Variants in ITGB8 observed in about 807,000 individuals in gnomAD.
ITGB8 encodes the protein integrin subunit beta 8.
ITGB8 carries 30 observed loss-of-function variants against 89.5 expected under a neutral mutation model. That is an observed-to-expected ratio of 0.34 (90% CI 0.25 to 0.45). ITGB8 has a LOEUF of 0.45. Ranked by LOEUF, ITGB8 falls within the 20% of genes least tolerant of loss-of-function variation. The probability of loss-of-function intolerance (pLI) is 1.00; values close to 1 mark genes in which losing one functional copy is unlikely to be tolerated. For missense variants in ITGB8, 836 were observed against 933.3 expected (o/e 0.90, Z 1.36); for synonymous variants, 335 against 320.4 (o/e 1.05, Z -0.49).
At chr7:20,353,150 G>C (rs1368292702) in intron 1 of ITGB8, 1 of 152,346 alleles carries the variant, frequency 6.6e-6, no homozygotes, top group East Asian at 1.9e-4. Flanking sequence ...GGGCAGGGCA[G>C]ACTAATGGAA....
chr7:20,389,886 G>A (rs1282662950), intron 6 of ITGB8, among the ~76,000 whole-genome samples: 1 of 150,876 alleles, frequency 6.6e-6, no homozygotes, highest in Non-Finnish European at 1.5e-5. Flanking sequence ...GAATTGCTCT[G>A]AGAAAAACTT....
At chr7:20,369,247 AAC>A in intron 3 of ITGB8, among the ~76,000 whole-genome samples, 1 of 152,312 alleles carries the variant, frequency 6.6e-6, no homozygotes, top group African/African-American at 2.4e-5. Flanking sequence ...AAAAATAATA[AAC>A]AGTCTCTTAG....
chr7:20,332,247 C>A (rs17455437), intron 1 of ITGB8, among the ~76,000 whole-genome samples: 7,122 of 152,252 alleles, frequency 0.047, 221 homozygotes, highest in Non-Finnish European at 0.069. Context: ...TTTAGGGGCC[C>A]TGGTCCATTC....
chr7:20,347,105 G>C (rs1784951757), intron 1 of ITGB8, among the ~76,000 whole-genome samples: 1 of 152,142 alleles, frequency 6.6e-6, no homozygotes, highest in African/African-American at 2.4e-5. Flanking sequence ...TATGAGGAAG[G>C]CTCCCTCGCC....
At chr7:20,364,335 T>C (rs959832215) in intron 2 of ITGB8, among the ~76,000 whole-genome samples, 2 of 152,172 alleles carry the variant, frequency 1.3e-5, no homozygotes, top group Non-Finnish European at 1.5e-5. Context: ...CTCCTGGGAA[T>C]TGGAACAAAC....
Position 20,331,303 on chromosome 7 carries a change from T to C in ITGB8, c.-504T>C, listed in dbSNP as rs375029952. 1.9e-5 allele frequency: 7 copies of C among 368,626 alleles called. No homozygotes were observed. The highest frequency in any genetic ancestry group is 7.9e-5 in the East Asian group (2 of 25,360). 22.8% of individuals were successfully genotyped at this position (368,626 alleles called of 1,614,324 possible). A position where few individuals can be genotyped will look rare whatever the true frequency, so the allele number is the denominator to read the frequency against. On this transcript the variant is annotated 5_prime_UTR_variant, in exon 1 of 14. Transcript: ENST00000222573. Reference sequence around the variant, plus strand: ...CTGATTGATGCGCCACAGACTTTTTTCCCCTCGACCTCGCCGGCGTCCCCT... The same window carrying C: ...CTGATTGATGCGCCACAGACTTTTTCCCCCTCGACCTCGCCGGCGTCCCCT...
At chr7:20,370,866 G>A (rs949877177) in intron 3 of ITGB8, among the ~76,000 whole-genome samples, 5 of 152,000 alleles carry the variant, frequency 3.3e-5, no homozygotes, top group African/African-American at 7.2e-5. Flanking sequence ...CACCAGCCTC[G>A]GCTTCCCAAA....
chr7:20,408,869 A>G (rs548818851), intron 12 of ITGB8, among the ~76,000 whole-genome samples: 1 of 152,142 alleles, frequency 6.6e-6, no homozygotes, highest in African/African-American at 2.4e-5. Context: ...CCAGCTAGTA[A>G]TTATTTGTCC....
intron 1 of ITGB8, among the ~76,000 whole-genome samples, chr7:20,345,114 T>A (rs1784879681): frequency 6.6e-6 from 1 of 152,108 alleles, no homozygotes; most frequent in African/African-American, 2.4e-5. Flanking sequence ...ATTAGGAAGG[T>A]CTCACTGAGA....
intron 7 of ITGB8, among the ~76,000 whole-genome samples, chr7:20,394,628 T>C (rs1032327124): frequency 6.6e-6 from 1 of 152,236 alleles, no homozygotes; most frequent in Non-Finnish European, 1.5e-5. Flanking sequence ...GATGCTCATC[T>C]GCATTTCGAT....
intron 4 of ITGB8, 181 bp from the exon 5 acceptor site, chr7:20,380,485 G>C (rs1205130657): frequency 2.3e-5 from 13 of 553,432 alleles, no homozygotes; most frequent in Non-Finnish European, 4.1e-5. Context: ...TATTTGCAAA[G>C]AAATTGTCAT....
chr7:20,404,874 A>G (rs1446526605), intron 11 of ITGB8, 21 bp downstream of exon 11: 1 of 1,597,816 alleles, frequency 6.3e-7, no homozygotes, highest in Non-Finnish European at 8.6e-7. Context: ...TTTGACTCCA[A>G]ACATACACAA....
chr7:20,359,353 T>A (rs1490929554), intron 1 of ITGB8, among the ~76,000 whole-genome samples: 1 of 152,128 alleles, frequency 6.6e-6, no homozygotes, highest in Non-Finnish European at 1.5e-5. Flanking sequence ...ATATAAAGAA[T>A]AAGGTGCATA....
Position 20,379,150 on chromosome 7 carries a change from T to C in ITGB8, c.488T>C (p.Ile163Thr). Residue 163 changes from isoleucine to threonine, a missense_variant, in exon 4 of 14, where the codon ATA becomes ACA. Coordinates refer to ENST00000222573, the MANE Select transcript of ITGB8 (RefSeq NM_002214.3). ...GTCTCAGCATCAATGCACAATAATATAGAAAAATTAAATTCCGTTGGAAAC... is the reference window on the plus strand; with the variant it reads ...GTCTCAGCATCAATGCACAATAATACAGAAAAATTAAATTCCGTTGGAAAC... ...VDVSASMHNNIEKLNSVGNDL... is the reference protein window; with the variant it reads ...VDVSASMHNNTEKLNSVGNDL... 2 of 1,610,126 alleles carry C rather than the reference T, an allele frequency of 1.2e-6. No individual in the cohort carries two copies. Among genetic ancestry groups the C allele is most frequent in the Non-Finnish European group, 1.7e-6 (2 of 1,177,602 alleles).
chr7:20,341,256 G>T lies in ITGB8; in HGVS notation c.127+9323G>T, dbSNP rs1784745420. ...TGGATCATAAAGTGCAAAATAAAAT[G>T]CTCTAGAAATGACAGATGGGGCACA... is the stretch of plus-strand genomic sequence containing the variant. On this transcript the variant is annotated intron_variant, in intron 1 of 13. Coordinates refer to ENST00000222573, the MANE Select transcript of ITGB8 (RefSeq NM_002214.3). 2.6e-5 allele frequency among the ~76,000 whole-genome samples: 4 copies of T among 152,154 alleles called. No homozygotes were observed. In the South Asian group the frequency reaches 8.3e-4, roughly 32 times the overall value.
intron 8 of ITGB8, among the ~76,000 whole-genome samples, chr7:20,396,103 G>A (rs1030360435): frequency 6.6e-6 from 1 of 152,114 alleles, no homozygotes; most frequent in African/African-American, 2.4e-5. Flanking sequence ...CCTTTAGCTT[G>A]GGCACAAAAG....
At chr7:20,349,127 A>G (rs1441303343) in intron 1 of ITGB8, among the ~76,000 whole-genome samples, 2 of 152,182 alleles carry the variant, frequency 1.3e-5, no homozygotes, top group East Asian at 3.8e-4. Flanking sequence ...TATCTATCCT[A>G]TAAGATACAG....
chr7:20,402,699 T>C (rs1787365539), intron 10 of ITGB8, among the ~76,000 whole-genome samples: 1 of 152,164 alleles, frequency 6.6e-6, no homozygotes, highest in Non-Finnish European at 1.5e-5. Flanking sequence ...TTCAAGAAAA[T>C]ACTGCCTTAC....
intron 1 of ITGB8, among the ~76,000 whole-genome samples, chr7:20,336,972 A>T (rs1784598323): frequency 6.6e-6 from 1 of 152,236 alleles, no homozygotes; most frequent in South Asian, 2.1e-4. Context: ...TTTTCTTTTA[A>T]AAGTGGGTTA....
Sources: gnomAD v4.1 joint callset for allele counts (sites outside exome capture counted in the v4.1 genomes callset) on GRCh38, gnomAD v4.1.1 for gene constraint, MANE v1.5 for transcripts, NCBI Gene and HGNC (gene_info 2026-07-23, HGNC 2026-07-21) for gene names.